Variants in DOCK2 observed in about 807,000 individuals in gnomAD.
DOCK2 encodes dedicator of cytokinesis 2.
A neutral mutation model predicts 248.9 loss-of-function variants in DOCK2; 87 were observed. The ratio of observed to expected loss-of-function variants is 0.35; its 90% CI spans 0.29 to 0.42. The LOEUF (loss-of-function observed/expected upper bound fraction) is 0.42, where lower values mean the gene tolerates loss of function less well. Ranked by LOEUF, DOCK2 falls within the 10% of genes least tolerant of loss-of-function variation. The pLI is 1.00. For synonymous variants in DOCK2, 805 were observed against 821.6 expected (o/e 0.98, Z 0.35); for missense variants, 1,747 against 2,300.2 (o/e 0.76, Z 4.92).
At chr5:169,914,892 G>A (rs1208844809) in intron 27 of DOCK2, among the ~76,000 whole-genome samples, 1 of 152,238 alleles carries the variant, frequency 6.6e-6, no homozygotes, top group African/African-American at 2.4e-5. Flanking sequence ...TGACATAACT[G>A]TTGTTGTCTG....
intron 27 of DOCK2, among the ~76,000 whole-genome samples, chr5:169,869,494 C>G (rs898169065): frequency 6.6e-6 from 1 of 152,148 alleles, no homozygotes; most frequent in African/African-American, 2.4e-5. Context: ...TCTTTTTATT[C>G]ATCCGTTTGA....
chr5:169,804,009 A>G (rs549571271), intron 26 of DOCK2, among the ~76,000 whole-genome samples: 2 of 152,334 alleles, frequency 1.3e-5, no homozygotes, highest in South Asian at 4.1e-4. Context: ...GACTGGCTTC[A>G]GAGGACTACA....
At chr5:169,943,363 T>C (rs1322021340) in intron 27 of DOCK2, among the ~76,000 whole-genome samples, 1 of 152,156 alleles carries the variant, frequency 6.6e-6, no homozygotes, top group South Asian at 2.1e-4. Context: ...CAGGCAATAC[T>C]TAGGTCCTGG....
intron 25 of DOCK2, among the ~76,000 whole-genome samples, chr5:169,791,716 C>G (rs1301689372): frequency 6.6e-6 from 1 of 152,218 alleles, no homozygotes; most frequent in East Asian, 1.9e-4. Context: ...GACACACTAG[C>G]TGGGTGAGCT....
chr5:169,925,640 C>CATTG (rs1428315420), intron 27 of DOCK2, among the ~76,000 whole-genome samples: 5 of 149,218 alleles, frequency 3.4e-5, no homozygotes, highest in Non-Finnish European at 1.5e-5. Flanking sequence ...GCAGCTCTGC[C>CATTG]ATTGATTGGT....
At chr5:169,846,714 C>G (rs1011886952) in intron 27 of DOCK2, among the ~76,000 whole-genome samples, 3 of 151,830 alleles carry the variant, frequency 2.0e-5, no homozygotes, top group Non-Finnish European at 4.4e-5. Flanking sequence ...GCTTTTATTT[C>G]AATACGTTTG....
intron 26 of DOCK2, among the ~76,000 whole-genome samples, chr5:169,814,769 C>G (rs1482826290): frequency 6.6e-6 from 1 of 152,090 alleles, no homozygotes; most frequent in Non-Finnish European, 1.5e-5. Context: ...GTGAACAGTT[C>G]TGTCAAGTAT....
intron 44 of DOCK2, among the ~76,000 whole-genome samples, chr5:170,061,626 C>T (rs1299421383): frequency 6.6e-6 from 1 of 152,200 alleles, no homozygotes; most frequent in African/African-American, 2.4e-5. Flanking sequence ...TACAAATGCC[C>T]GTAGGCGAGA....
intron 44 of DOCK2, among the ~76,000 whole-genome samples, chr5:170,063,510 C>G (rs1757399977): frequency 6.6e-6 from 1 of 152,198 alleles, no homozygotes; most frequent in South Asian, 2.1e-4. Context: ...ACTTGATGGC[C>G]TGGCAGCTAA....
chr5:169,754,170 C>T (rs148950451), intron 23 of DOCK2, among the ~76,000 whole-genome samples: 4 of 152,264 alleles, frequency 2.6e-5, no homozygotes, highest in Non-Finnish European at 4.4e-5. Flanking sequence ...AGCCTGAAAG[C>T]ACTCAGCAGA....
At chr5:170,062,362 T>G (rs955114450) in intron 44 of DOCK2, among the ~76,000 whole-genome samples, 8 of 152,136 alleles carry the variant, frequency 5.3e-5, no homozygotes, top group Non-Finnish European at 1.0e-4. Context: ...TATCTACTCA[T>G]GGATCAATTC....
At chr5:170,073,837 G>T (rs1757756132) in intron 46 of DOCK2, among the ~76,000 whole-genome samples, 1 of 151,952 alleles carries the variant, frequency 6.6e-6, no homozygotes, top group African/African-American at 2.4e-5. Context: ...GTATTTTCTT[G>T]ATTAGTCTTC....
intron 23 of DOCK2, among the ~76,000 whole-genome samples, chr5:169,752,090 G>A (rs541873122): frequency 6.6e-6 from 1 of 152,298 alleles, no homozygotes; most frequent in African/African-American, 2.4e-5. Flanking sequence ...CCAGCCCTGT[G>A]AGCGTGGTTG....
intron 34 of DOCK2, among the ~76,000 whole-genome samples, chr5:170,032,040 T>C (rs2113835109): frequency 6.6e-6 from 1 of 151,816 alleles, no homozygotes; most frequent in East Asian, 1.9e-4. Context: ...TTTTTTTTTT[T>C]TTTTGAGACG....
At chr5:169,908,712 T>G (rs948074850) in intron 27 of DOCK2, among the ~76,000 whole-genome samples, 1 of 121,264 alleles carries the variant, frequency 8.2e-6, no homozygotes, top group Non-Finnish European at 1.6e-5. Flanking sequence ...TTTTCTTTTT[T>G]CTTTTTTTTT....
rs1379118757 is a variant in DOCK2 at position 169,802,945 on chromosome 5, A to G, written c.2555-113A>G. On this transcript the variant is annotated intron_variant, in intron 25 of 51. Transcript: ENST00000520908. ...AATCTTTAATATTTTAATTTTTTACAAGGAGAATGTCTTCATGAACTATTT... is the reference window on the plus strand; with the variant it reads ...AATCTTTAATATTTTAATTTTTTACGAGGAGAATGTCTTCATGAACTATTT... 4 of 1,276,710 alleles carry G rather than the reference A, an allele frequency of 3.1e-6. No individual in the cohort carries two copies. The African/African-American group carries it at 6.1e-5, about 19-fold the overall frequency. The allele number at this position is 1,276,710 out of a possible 1,614,324, so 79.1% of individuals were successfully genotyped here.
chr5:169,782,974 C>T (rs928106930), intron 25 of DOCK2, among the ~76,000 whole-genome samples: 1 of 152,096 alleles, frequency 6.6e-6, no homozygotes, highest in Non-Finnish European at 1.5e-5. Flanking sequence ...CATTTTGTAG[C>T]CATTTAGAAA....
chr5:170,046,191 C>T (rs1029092299), intron 39 of DOCK2, among the ~76,000 whole-genome samples: 1 of 152,224 alleles, frequency 6.6e-6, no homozygotes, highest in Non-Finnish European at 1.5e-5. Context: ...CCCCAATAAA[C>T]GCTGTGTTAC....
At chr5:169,826,100 A>C (rs896101599) in intron 26 of DOCK2, among the ~76,000 whole-genome samples, 1 of 152,112 alleles carries the variant, frequency 6.6e-6, no homozygotes, top group African/African-American at 2.4e-5. Flanking sequence ...CCATCCATCC[A>C]TCCCTCCACT....
Sources: allele counts gnomAD v4.1 joint callset (sites outside exome capture counted in the v4.1 genomes callset), GRCh38; gene constraint gnomAD v4.1.1; transcripts MANE v1.5; gene names NCBI Gene and HGNC (gene_info 2026-07-23, HGNC 2026-07-21).